Variants in TAFA1 observed in about 807,000 individuals in gnomAD.
The protein encoded by TAFA1 is TAFA chemokine like family member 1.
TAFA1 carries 4 observed loss-of-function variants against 18.5 expected under a neutral mutation model. That is an observed-to-expected ratio of 0.22 (90% CI 0.11 to 0.49). The LOEUF (loss-of-function observed/expected upper bound fraction) is 0.49, where lower values mean the gene tolerates loss of function less well. TAFA1 is among the 20% of genes least tolerant of loss of function. The probability of loss-of-function intolerance (pLI) is 0.98; values close to 1 mark genes in which losing one functional copy is unlikely to be tolerated. For synonymous variants in TAFA1, 56 were observed against 55.2 expected, an observed-to-expected ratio of 1.01 and a Z score of -0.06; for missense variants, 147 against 169.0, an observed-to-expected ratio of 0.87 and a Z score of 0.72.
chr3:68,496,812 C>T (rs766318795), intron 3 of TAFA1, among the ~76,000 whole-genome samples: 2 of 152,088 alleles, frequency 1.3e-5, no homozygotes, highest in Non-Finnish European at 2.9e-5. Context: ...GGGGGTGATA[C>T]CATTACCTAT....
chr3:68,169,548 GA>G lies in TAFA1; in HGVS notation c.118+162805del, dbSNP rs142334434. The stretch of plus-strand genomic sequence containing the variant: ...AGATAGAACTTTATGTCTAACAAAT[GA>G]TAATCATTGCTTTAAGCTCATAAGT... On this transcript the variant is annotated intron_variant, in intron 2 of 4. Transcript: ENST00000478136. Among the ~76,000 whole-genome samples, 444 of 152,312 alleles carry G rather than the reference GA, an allele frequency of 2.9e-3. 2 individuals are homozygous for G. The highest frequency in any genetic ancestry group is 9.8e-3 in the African/African-American group (408 of 41,568).
intron 3 of TAFA1, among the ~76,000 whole-genome samples, chr3:68,472,746 C>T: frequency 6.6e-6 from 1 of 151,904 alleles, no homozygotes; most frequent in Non-Finnish European, 1.5e-5. Context: ...AAATAAAATG[C>T]CTATAAATCA....
intron 2 of TAFA1, among the ~76,000 whole-genome samples, chr3:68,086,848 C>T (rs1323677653): frequency 6.6e-6 from 1 of 152,146 alleles, no homozygotes; most frequent in African/African-American, 2.4e-5. Context: ...GTAGTGTTCT[C>T]TTAAATCATT....
At chr3:67,992,937 C>T in the TAFA1 span, among the ~76,000 whole-genome samples, 1 of 152,210 alleles carries the variant, frequency 6.6e-6, no homozygotes, top group East Asian at 1.9e-4. Flanking sequence ...TCTCTGCTGA[C>T]AGAGCATGGG....
intron 4 of TAFA1, among the ~76,000 whole-genome samples, chr3:68,543,723 A>T (rs931528883): frequency 1.5e-4 from 23 of 152,162 alleles, no homozygotes; most frequent in African/African-American, 5.3e-4. Context: ...CAACTCTATT[A>T]GAATTGTTAT....
At position 68,529,436 on chromosome 3, in the gene TAFA1, T is replaced by TAAAAA. The variant is rs533214097; in HGVS notation, c.260-9294_260-9290dup. On this transcript the variant is annotated intron_variant, in intron 3 of 4. Transcript: ENST00000478136. ...CATGGAATCTAGATTCACCATTCTCTAAAAAAAAAAAAAAAAAAAAAAAAA... is the reference window on the plus strand; with the variant it reads ...CATGGAATCTAGATTCACCATTCTCTAAAAAAAAAAAAAAAAAAAAAAAAAAAAAA... Among the ~76,000 whole-genome samples, 56 of 77,060 alleles carry TAAAAA rather than the reference T, an allele frequency of 7.3e-4. 3 individuals carry two copies. Among genetic ancestry groups the TAAAAA allele is most frequent in the African/African-American group, 2.1e-3 (46 of 22,058 alleles). The allele number at this position is 77,060 out of a possible 152,430, so 50.6% of individuals were successfully genotyped here. A position where few individuals can be genotyped will look rare whatever the true frequency, so the allele number is the denominator to read the frequency against.
chr3:68,164,629 ACGTGTG>A (rs1559543720), intron 2 of TAFA1, among the ~76,000 whole-genome samples: 2 of 41,324 alleles, frequency 4.8e-5, no homozygotes, highest in African/African-American at 1.5e-4. Context: ...TCCTTTTGCA[ACGTGTG>A]TGTGTGTGTG....
At chr3:68,319,767 A>G (rs1222124207) in intron 2 of TAFA1, among the ~76,000 whole-genome samples, 2 of 152,210 alleles carry the variant, frequency 1.3e-5, no homozygotes, top group East Asian at 1.9e-4. Flanking sequence ...TTTAAAATAC[A>G]TGTTTTCATA....
At chr3:68,108,323 A>G (rs114170822) in intron 2 of TAFA1, among the ~76,000 whole-genome samples, 2,184 of 152,226 alleles carry the variant, frequency 0.014, 51 homozygotes, top group African/African-American at 0.048. Context: ...TAATGCATCA[A>G]TGGTCCCAAG....
chr3:68,104,592 C>G (rs1416180317), intron 2 of TAFA1, among the ~76,000 whole-genome samples: 2 of 152,018 alleles, frequency 1.3e-5, no homozygotes, highest in Non-Finnish European at 2.9e-5. Context: ...ATCTGTAACT[C>G]TAAACCAGGA....
chr3:68,422,488 C>T (rs898021178), intron 3 of TAFA1, among the ~76,000 whole-genome samples: 4 of 151,988 alleles, frequency 2.6e-5, no homozygotes, highest in African/African-American at 9.7e-5. Flanking sequence ...AGGTCAGTTG[C>T]CTTTTACAGT....
chr3:68,364,609 A>C (rs1356598741), intron 2 of TAFA1, among the ~76,000 whole-genome samples: 1 of 152,248 alleles, frequency 6.6e-6, no homozygotes, highest in African/African-American at 2.4e-5. Flanking sequence ...ATGTATAAAC[A>C]TGAAAGTTTC....
At chr3:68,259,355 T>G (rs1462898059) in intron 2 of TAFA1, among the ~76,000 whole-genome samples, 2 of 152,210 alleles carry the variant, frequency 1.3e-5, no homozygotes, top group African/African-American at 4.8e-5. Flanking sequence ...GAGATGTCCC[T>G]TCACAAGACA....
intron 2 of TAFA1, among the ~76,000 whole-genome samples, chr3:68,340,587 A>G (rs2069063355): frequency 6.6e-6 from 1 of 152,028 alleles, no homozygotes; most frequent in South Asian, 2.1e-4. Context: ...TGATGGGCAC[A>G]TATTCTGTGT....
At chr3:67,998,086 A>AT in the TAFA1 span, among the ~76,000 whole-genome samples, 2 of 151,928 alleles carry the variant, frequency 1.3e-5, no homozygotes, top group Non-Finnish European at 2.9e-5. Context: ...TTAAATTACA[A>AT]TTTTTTTAAA....
intron 3 of TAFA1, among the ~76,000 whole-genome samples, chr3:68,487,651 G>T (rs1275937545): frequency 6.6e-6 from 1 of 151,438 alleles, no homozygotes; most frequent in South Asian, 2.1e-4. Flanking sequence ...ACTCGGGAGG[G>T]TGAGGCAGGA....
chr3:68,251,969 A>G (rs1364641162), intron 2 of TAFA1, among the ~76,000 whole-genome samples: 3 of 152,204 alleles, frequency 2.0e-5, no homozygotes, highest in African/African-American at 7.2e-5. Context: ...GGGTCTATGC[A>G]GTTCCCAAGG....
rs186057552 is a variant in TAFA1 at position 68,062,877 on chromosome 3, C to A, written c.118+56133C>A. On this transcript the variant is annotated intron_variant, in intron 2 of 4. Coordinates refer to ENST00000478136, the MANE Select transcript of TAFA1 (RefSeq NM_213609.4). Reference sequence around the variant, plus strand: ...TTCCTTTTCTGGGGAAATAGTGACACCAAAAGCTCTCAAAAGCAATTAGCT... The same window carrying A: ...TTCCTTTTCTGGGGAAATAGTGACAACAAAAGCTCTCAAAAGCAATTAGCT... Among the ~76,000 whole-genome samples the A allele has an allele frequency of 4.6e-5, 7 of 152,284 alleles. No individual in the cohort carries two copies. In the East Asian group the frequency reaches 1.4e-3, roughly 29 times the overall value.
chr3:67,995,802 A>G, the TAFA1 span, among the ~76,000 whole-genome samples: 4 of 152,198 alleles, frequency 2.6e-5, no homozygotes, highest in African/African-American at 9.7e-5. Context: ...ACAAACACCC[A>G]TACACATACA....
Sources: gnomAD v4.1 joint callset for allele counts (sites outside exome capture counted in the v4.1 genomes callset) on GRCh38, gnomAD v4.1.1 for gene constraint, MANE v1.5 for transcripts, NCBI Gene and HGNC (gene_info 2026-07-23, HGNC 2026-07-21) for gene names.